The following PXDN variants were observed in gnomAD, a reference collection of about 807,000 sequenced individuals.
The protein encoded by PXDN is peroxidasin homolog.
A neutral mutation model predicts 140.3 loss-of-function variants in PXDN; 77 were observed. The observed-to-expected ratio is 0.55, with a 90% CI of 0.46 to 0.66. The LOEUF (loss-of-function observed/expected upper bound fraction) is 0.66. Among genes scored for constraint, PXDN ranks in the 30% least tolerant of loss-of-function variants. PXDN has a pLI of 0.00. For synonymous variants in PXDN, 911 were observed against 857.4 expected (o/e 1.06, Z -1.09); for missense variants, 1,838 against 2,039.5 (o/e 0.90, Z 1.90).
In PXDN at chr2:1,700,989, A is replaced by ACG. The variant is rs1258281745; in HGVS notation, c.201-7857_201-7856dup. On this transcript the variant is annotated intron_variant, in intron 1 of 22. Transcript: ENST00000252804. Reference sequence around the variant, plus strand: ...AGGTTGGAATTATAACCGATGCCACACGCCCTCTCCCAGGATGAATACAGG... The same window carrying ACG: ...AGGTTGGAATTATAACCGATGCCACACGCGCCCTCTCCCAGGATGAATACAGG... Among the ~76,000 whole-genome samples, 11 of 152,170 alleles carry ACG rather than the reference A, an allele frequency of 7.2e-5. 1 individual carries two copies. The highest frequency in any genetic ancestry group is 7.2e-4 in the Admixed American group (11 of 15,276).
At position 1,645,397 on chromosome 2, in the gene PXDN, CGCA is replaced by C. The variant is rs1231293353; in HGVS notation, c.3609-648_3609-646del. 2.6e-5 allele frequency among the ~76,000 whole-genome samples: 4 copies of C among 152,176 alleles called. No individual in the cohort carries two copies. In the East Asian group the frequency reaches 7.7e-4, roughly 29 times the overall value. ...CTAATCTCATCTTAGAACTCGACTA[CGCA>C]GCAGATGATGCCTGTTTCAACTGCT... is the stretch of plus-strand genomic sequence containing the variant. On this transcript the variant is annotated intron_variant, in intron 17 of 22. Coordinates refer to ENST00000252804, the MANE Select transcript of PXDN (RefSeq NM_012293.3).
intron 9 of PXDN, among the ~76,000 whole-genome samples, chr2:1,668,008 A>G (rs1046167200): frequency 6.6e-6 from 1 of 152,242 alleles, no homozygotes; most frequent in African/African-American, 2.4e-5. Context: ...ATCTTAAGCA[A>G]AAAGAACAAA....
At chr2:1,735,713 T>C (rs541866096) in intron 1 of PXDN, among the ~76,000 whole-genome samples, 2 of 152,208 alleles carry the variant, frequency 1.3e-5, no homozygotes, top group Admixed American at 6.5e-5. Flanking sequence ...GACCCTAGGG[T>C]TGGGGAATGG....
chr2:1,689,815 A>G (rs916561988), intron 3 of PXDN, among the ~76,000 whole-genome samples: 2 of 151,956 alleles, frequency 1.3e-5, no homozygotes, highest in Non-Finnish European at 2.9e-5. Context: ...AGTATTGACC[A>G]TAATAATAAA....
At chr2:1,723,074 GGATGGATGAATA>G (rs1252826271) in intron 1 of PXDN, among the ~76,000 whole-genome samples, 1 of 152,170 alleles carries the variant, frequency 6.6e-6, no homozygotes, top group Non-Finnish European at 1.5e-5. Context: ...ATTAATGGAT[GGATGGATGAATA>G]GATGGATGAG....
At chr2:1,703,447 A>G (rs1344929673) in intron 1 of PXDN, among the ~76,000 whole-genome samples, 3 of 38,346 alleles carry the variant, frequency 7.8e-5, no homozygotes, top group South Asian at 1.4e-3. Flanking sequence ...GCGGGGGACA[A>G]CTCCCGGTGA....
rs947887084 is a variant in PXDN, at chr2:1,666,472, C to A, written c.1033G>T (p.Val345Leu). 3.1e-6 allele frequency: 5 copies of A among 1,593,314 alleles called. No homozygotes were observed. In the East Asian group the frequency reaches 9.0e-5, roughly 29 times the overall value. ...YFGSPARPTFVIQPQNTEVLV... is the reference protein window; with the variant it reads ...YFGSPARPTFLIQPQNTEVLV... ...ACCTCTGTATTCTGTGGCTGGATTA[C>A]AAAAGTGGGTCGAGCTGTCACAATT... The change falls in exon 10 of 23, where the codon GTA becomes TTA. Residue 345 changes from valine (V) to leucine (L), a missense_variant. Physicochemically the swap from Val to Leu is conservative, Grantham distance 32. Around this residue, in one of 5 missense-constraint regions of PXDN, gnomAD observed 208 missense variants for 325.8 expected, o/e 0.64. Coordinates refer to ENST00000252804, the MANE Select transcript of PXDN (RefSeq NM_012293.3).
intron 14 of PXDN, among the ~76,000 whole-genome samples, chr2:1,656,404 A>C (rs1374189037): frequency 6.6e-6 from 1 of 152,160 alleles, no homozygotes; most frequent in Non-Finnish European, 1.5e-5. Flanking sequence ...AACATACGCA[A>C]TCTTTTGACA....
chr2:1,736,680 T>TA (rs76334078), intron 1 of PXDN, among the ~76,000 whole-genome samples: 30 of 148,216 alleles, frequency 2.0e-4, no homozygotes, highest in Middle Eastern at 3.4e-3. Context: ...AAAAGAAATT[T>TA]AAAAAAAAAA....
intron 1 of PXDN, among the ~76,000 whole-genome samples, chr2:1,727,588 A>T (rs1004551046): frequency 1.3e-5 from 2 of 152,152 alleles, no homozygotes; most frequent in Admixed American, 6.5e-5. Flanking sequence ...TCCACCACGC[A>T]GGTGCATTTT....
At chr2:1,643,865 G>A (rs562099109) in intron 18 of PXDN, among the ~76,000 whole-genome samples, 36 of 152,092 alleles carry the variant, frequency 2.4e-4, no homozygotes, top group Non-Finnish European at 4.0e-4. Context: ...GAGGTCAGGA[G>A]ATCGAGACCA....
At chr2:1,705,363 T>A (rs1345196238) in intron 1 of PXDN, among the ~76,000 whole-genome samples, 3 of 151,926 alleles carry the variant, frequency 2.0e-5, no homozygotes, top group Non-Finnish European at 2.9e-5. Flanking sequence ...AGGGTGCGGC[T>A]CCCCACGACC....
rs184490839 is a variant in PXDN, at chr2:1,680,481, G to A, written c.561-119C>T. 2.1e-4 allele frequency: 262 copies of A among 1,255,648 alleles called. No homozygotes were observed. The African/African-American group carries it at 3.2e-3, about 15-fold the overall frequency. The allele number at this position is 1,255,648 out of a possible 1,614,324, so 77.8% of individuals were successfully genotyped here. Reference sequence around the variant, plus strand: ...CATGTGCCAGGCCTGCCAGGCTTGCGACATGGGGATGGGACACGTCTCGTG... The same window carrying A: ...CATGTGCCAGGCCTGCCAGGCTTGCAACATGGGGATGGGACACGTCTCGTG... On this transcript the variant is annotated intron_variant, in intron 6 of 22. Coordinates refer to ENST00000252804, the MANE Select transcript of PXDN (RefSeq NM_012293.3).
At chr2:1,736,909 C>G (rs1182253382) in intron 1 of PXDN, among the ~76,000 whole-genome samples, 1 of 152,200 alleles carries the variant, frequency 6.6e-6, no homozygotes, top group African/African-American at 2.4e-5. Flanking sequence ...ACTGGTCAAG[C>G]CTCTCCTTCT....
chr2:1,666,989 G>A (rs1227179524), intron 9 of PXDN, among the ~76,000 whole-genome samples: 1 of 152,110 alleles, frequency 6.6e-6, no homozygotes, highest in East Asian at 1.9e-4. Flanking sequence ...TGTTTCATGT[G>A]TGAGTTTGTG....
chr2:1,731,411 C>T (rs1366042582), intron 1 of PXDN, among the ~76,000 whole-genome samples: 1 of 152,102 alleles, frequency 6.6e-6, no homozygotes, highest in East Asian at 1.9e-4. Context: ...CTCCAGTGCG[C>T]TGGGAGCAGA....
chr2:1,635,181 T>G (rs966336918), intron 22 of PXDN, among the ~76,000 whole-genome samples: 1 of 140,946 alleles, frequency 7.1e-6, no homozygotes, highest in African/African-American at 2.6e-5. Context: ...GCCCGCCCTC[T>G]GTGGGGTTGG....
intron 1 of PXDN, among the ~76,000 whole-genome samples, chr2:1,719,710 G>C (rs565629125): frequency 6.6e-6 from 1 of 152,206 alleles, no homozygotes; most frequent in African/African-American, 2.4e-5. Context: ...TGGGTCAGGC[G>C]CCCACCCGGT....
intron 1 of PXDN, among the ~76,000 whole-genome samples, chr2:1,726,091 G>C (rs949786336): frequency 6.6e-6 from 1 of 151,960 alleles, no homozygotes; most frequent in Admixed American, 6.6e-5. Flanking sequence ...TATACCCAAA[G>C]GACTATAAAT....
Sources: allele counts gnomAD v4.1 joint callset (sites outside exome capture counted in the v4.1 genomes callset), GRCh38; gene constraint gnomAD v4.1.1; regional missense constraint gnomAD v4.1.1; transcripts MANE v1.5; gene names NCBI Gene and HGNC (gene_info 2026-07-23, HGNC 2026-07-21).